DCAF10: variants seen among roughly 807,000 people sequenced by gnomAD.
The protein encoded by DCAF10 is DDB1 and CUL4 associated factor 10.
In DCAF10, 19 loss-of-function variants were observed where a neutral mutation model predicts 51.9. That is an observed-to-expected ratio of 0.37 (90% CI 0.26 to 0.54). The LOEUF (loss-of-function observed/expected upper bound fraction) is 0.54, where lower values mean the gene tolerates loss of function less well. Ranked by LOEUF, DCAF10 falls within the 20% of genes least tolerant of loss-of-function variation. The pLI is 0.87. For missense variants in DCAF10, 510 were observed against 730.6 expected, an observed-to-expected ratio of 0.70 and a Z score of 3.48; for synonymous variants, 291 against 297.1, an observed-to-expected ratio of 0.98 and a Z score of 0.21.
At chr9:37,850,337 C>T (rs925653347) in intron 3 of DCAF10, among the ~76,000 whole-genome samples, 1 of 152,162 alleles carries the variant, frequency 6.6e-6, no homozygotes, top group Non-Finnish European at 1.5e-5. Context: ...CTCTCATGTT[C>T]ATTGCAGCAC....
Position 37,860,101 on chromosome 9 carries a change from A to G in DCAF10, c.1219A>G (p.Ser407Gly). Residue 407 changes from serine (S) to glycine (G), a missense_variant, in exon 6 of 7, where the codon AGT (serine) becomes GGT (glycine). This residue lies in a region of DCAF10 where 104 missense variants were observed against 206.2 expected (regional missense o/e 0.50). Transcript: ENST00000377724. ...CGTAACCCCTGAAGTTCTTGGTGAGAGTGACCACGGAAACTGCATCACGTC... is the reference window on the plus strand; with the variant it reads ...CGTAACCCCTGAAGTTCTTGGTGAGGGTGACCACGGAAACTGCATCACGTC... ...EVVTPEVLGE[S>G]DHGNCITSLQ... The G allele has an allele frequency of 6.2e-7, 1 of 1,614,130 alleles. No homozygotes were observed. Among genetic ancestry groups the G allele is most frequent in the Non-Finnish European group, 8.5e-7 (1 of 1,180,006 alleles).
intron 2 of DCAF10, among the ~76,000 whole-genome samples, chr9:37,823,873 C>T (rs1020333401): frequency 3.5e-5 from 5 of 143,764 alleles, no homozygotes; most frequent in African/African-American, 5.1e-5. Context: ...ACTTAGAGCA[C>T]ATCTTTTTTT....
At chr9:37,837,856 A>AC (rs1176910881) in intron 2 of DCAF10, among the ~76,000 whole-genome samples, 1 of 151,848 alleles carries the variant, frequency 6.6e-6, no homozygotes, top group Non-Finnish European at 1.5e-5. Flanking sequence ...AAAAAAAAAA[A>AC]AAAGAATTAA....
chr9:37,830,562 G>T (rs1380129975), intron 2 of DCAF10, among the ~76,000 whole-genome samples: 1 of 152,112 alleles, frequency 6.6e-6, no homozygotes, highest in Admixed American at 6.6e-5. Context: ...GACTGGGGAG[G>T]GATATACAAG....
At chr9:37,828,452 G>GA (rs113478721) in intron 2 of DCAF10, among the ~76,000 whole-genome samples, 6,319 of 150,290 alleles carry the variant, frequency 0.042, 442 homozygotes, top group African/African-American at 0.15. Context: ...TCAGAAAAAA[G>GA]AAAAAAGAAA....
rs1332173375 is a variant in DCAF10 at position 37,863,695 on chromosome 9, G to C, written c.*2187G>C. 1 of 152,300 alleles carries C rather than the reference G, an allele frequency of 6.6e-6. No homozygotes were observed. The highest frequency in any genetic ancestry group is 6.5e-5 in the Admixed American group (1 of 15,300). 9.4% of individuals were successfully genotyped at this position (152,300 alleles called of 1,614,324 possible). On this transcript the variant is annotated 3_prime_UTR_variant, in exon 7 of 7. Transcript: ENST00000377724. The stretch of plus-strand genomic sequence containing the variant: ...CAATAGATTTTAGAAAGGCAGGCAT[G>C]GGAGTAGATGCTGAGAATTCTAGCC...
intron 2 of DCAF10, chr9:37,836,026 G>T: frequency 9.7e-7 from 1 of 1,035,984 alleles, no homozygotes; most frequent in East Asian, 2.4e-5. Flanking sequence ...GGCCCCAAAC[G>T]CCGTCCGCGC....
chr9:37,853,161 A>C (rs1393659995), intron 3 of DCAF10, among the ~76,000 whole-genome samples: 1 of 150,878 alleles, frequency 6.6e-6, no homozygotes, highest in South Asian at 2.1e-4. Context: ...TCAAAAAAAA[A>C]AAAAAAAGAT....
At chr9:37,816,509 G>T (rs1798625135) in intron 1 of DCAF10, among the ~76,000 whole-genome samples, 1 of 152,146 alleles carries the variant, frequency 6.6e-6, no homozygotes. Flanking sequence ...AAAATCTTTT[G>T]AACCCAGGAG....
chr9:37,801,259 C>T lies in DCAF10; in HGVS notation c.393C>T (p.Ser131=). 1 of 1,591,102 alleles carries T rather than the reference C, an allele frequency of 6.3e-7. No individual in the cohort carries two copies. Among genetic ancestry groups the T allele is most frequent in the Non-Finnish European group, 8.5e-7 (1 of 1,171,634 alleles). ...TGTTCGGGTGGCTGAAAGAGCGCAGCCTGGGCCGCGGGCTGTTCGTGGACC... is the reference window on the plus strand; with the variant it reads ...TGTTCGGGTGGCTGAAAGAGCGCAGTCTGGGCCGCGGGCTGTTCGTGGACC... The part of the protein sequence containing the change: ...ARLFGWLKER[S]LGRGLFVDPA... Residue 131 remains serine, a synonymous_variant, in exon 1 of 7, where the codon AGC becomes AGT. Coordinates refer to ENST00000377724, the MANE Select transcript of DCAF10 (RefSeq NM_024345.5). This position sits in a 1 kb window ranked among gnomAD's most constrained non-coding sequence, Gnocchi z 5.5.
rs144667217 is a variant in DCAF10, at chr9:37,864,097, G to A, written c.*2589G>A. 0.021 allele frequency: 3,159 copies of A among 151,688 alleles called. 53 individuals are homozygous for A. Among genetic ancestry groups the A allele is most frequent in the Non-Finnish European group, 0.032 (2,195 of 67,998 alleles). 9.4% of individuals were successfully genotyped at this position (151,688 alleles called of 1,614,324 possible). On this transcript the variant is annotated 3_prime_UTR_variant, in exon 7 of 7. Coordinates refer to ENST00000377724, the MANE Select transcript of DCAF10 (RefSeq NM_024345.5). ...GCCCAGGAGTTCCAGACCAGTCTGG[G>A]CAACATGGCGAAACCCCATCTCTAC...
At position 37,863,305 on chromosome 9, in the gene DCAF10, G is replaced by T. The variant is rs1408603211; in HGVS notation, c.*1797G>T. 1 of 118,066 alleles carries T rather than the reference G, an allele frequency of 8.5e-6. No homozygotes were observed. Among genetic ancestry groups the T allele is most frequent in the East Asian group, 2.5e-4 (1 of 4,062 alleles). 7.3% of individuals were successfully genotyped at this position (118,066 alleles called of 1,614,324 possible). On this transcript the variant is annotated 3_prime_UTR_variant, in exon 7 of 7. Transcript: ENST00000377724. ...TGCACCACTGCACTCCAGCCTAGGC[G>T]ACAGAGCGAGACTCTGTCTCAAAAA...
At chr9:37,860,370 T>G (rs1830979458) in intron 6 of DCAF10, 177 bp downstream of exon 6, 1 of 789,394 alleles carries the variant, frequency 1.3e-6, no homozygotes, top group Non-Finnish European at 1.9e-6. Flanking sequence ...GGTATCATTA[T>G]CCCTTCCAAA....
intron 1 of DCAF10, among the ~76,000 whole-genome samples, chr9:37,818,209 T>C (rs1324455798): frequency 6.6e-6 from 1 of 152,202 alleles, no homozygotes; most frequent in Non-Finnish European, 1.5e-5. Flanking sequence ...TTGGCCAGTC[T>C]GGTCTCGAAC....
Position 37,801,026 on chromosome 9 carries a change from C to G in DCAF10, c.160C>G (p.Pro54Ala). The G allele has an allele frequency of 6.5e-7, 1 of 1,540,056 alleles. No homozygotes were observed. The highest frequency in any genetic ancestry group is 8.7e-7 in the Non-Finnish European group (1 of 1,153,408). Residue 54 changes from proline to alanine, a missense_variant, in exon 1 of 7, where the codon CCT becomes GCT. By Grantham distance (27) the Pro-to-Ala change is conservative. This residue lies in a region of DCAF10 where 251 missense variants were observed against 227.9 expected (regional missense o/e 1.10). Coordinates refer to ENST00000377724, the MANE Select transcript of DCAF10 (RefSeq NM_024345.5). The surrounding 1 kb of genome is among the most constrained non-coding windows in gnomAD (Gnocchi z 5.5). ...ATHPPPPARS[P>A]RRPGAPSLSP... is the part of the protein sequence containing the mutation. ...CCATCCCCCTCCACCCGCCCGAAGCCCTCGCCGCCCCGGCGCCCCATCGCT... is the reference window on the plus strand; with the variant it reads ...CCATCCCCCTCCACCCGCCCGAAGCGCTCGCCGCCCCGGCGCCCCATCGCT...
chr9:37,814,142 G>GTT (rs1554685335), intron 1 of DCAF10, among the ~76,000 whole-genome samples: 2 of 93,918 alleles, frequency 2.1e-5, no homozygotes, highest in African/African-American at 8.1e-5. Flanking sequence ...TGTTGTTGTT[G>GTT]TTGTTGTTGT....
rs372047715 is a variant in DCAF10 at position 37,861,543 on chromosome 9, G to A, written c.*35G>A. ...ACATCAAATAAGGAACTCTTCTGGT[G>A]TTTGACTTAGGAATTGCTTCAATTT... On this transcript the variant is annotated 3_prime_UTR_variant, in exon 7 of 7. Transcript: ENST00000377724. The surrounding 1 kb of genome is among the most constrained non-coding windows in gnomAD (Gnocchi z 4.9). 9.3e-5 allele frequency: 146 copies of A among 1,564,718 alleles called. No homozygotes were observed. Among genetic ancestry groups the A allele is most frequent in the Non-Finnish European group, 1.2e-4 (137 of 1,154,968 alleles).
intron 2 of DCAF10, chr9:37,836,354 A>C: frequency 1.2e-5 from 20 of 1,610,868 alleles, no homozygotes; most frequent in Non-Finnish European, 1.7e-5. Context: ...TCAAGGAGCC[A>C]ATCTGGGAAA....
At chr9:37,841,782 G>A (rs1395024768) in intron 2 of DCAF10, among the ~76,000 whole-genome samples, 1 of 152,056 alleles carries the variant, frequency 6.6e-6, no homozygotes, top group Non-Finnish European at 1.5e-5. Context: ...AGATTCTGAA[G>A]TTCTTTTTTT....
Sources: gnomAD v4.1 joint callset for allele counts (sites outside exome capture counted in the v4.1 genomes callset) on GRCh38, gnomAD v4.1.1 for gene constraint, gnomAD v4.1.1 regional missense constraint, Gnocchi (gnomAD v3.1) non-coding constraint, MANE v1.5 for transcripts, NCBI Gene and HGNC (gene_info 2026-07-23, HGNC 2026-07-21) for gene names.